Variants in GAS7 observed in about 807,000 individuals in gnomAD.
GAS7 encodes the protein growth arrest specific 7.
Under a neutral mutation model 71.1 loss-of-function variants are expected in GAS7, and 28 were observed. The observed-to-expected ratio is 0.39, with a 90% confidence interval of 0.29 to 0.54. The LOEUF is 0.54. Ranked by LOEUF, GAS7 falls within the 20% of genes least tolerant of loss-of-function variation. GAS7 has a pLI of 0.62. For missense variants in GAS7, 436 were observed against 627.8 expected (o/e 0.69, Z 3.27); for synonymous variants, 258 against 245.8 (o/e 1.05, Z -0.46).
chr17:10,058,512 T>C (rs1053216751), intron 1 of GAS7, among the ~76,000 whole-genome samples: 6 of 152,180 alleles, frequency 3.9e-5, no homozygotes, highest in Non-Finnish European at 8.8e-5. Flanking sequence ...AATGACATAT[T>C]CTGACAGCAA....
At chr17:9,932,012 A>G (rs1417750555) in intron 9 of GAS7, among the ~76,000 whole-genome samples, 1 of 152,180 alleles carries the variant, frequency 6.6e-6, no homozygotes, top group Non-Finnish European at 1.5e-5. Flanking sequence ...TGGAAGTCCC[A>G]GGAAGGAGCG....
At chr17:10,121,040 G>T (rs149214217) in intron 1 of GAS7, among the ~76,000 whole-genome samples, 1 of 152,356 alleles carries the variant, frequency 6.6e-6, no homozygotes, top group Non-Finnish European at 1.5e-5. Flanking sequence ...CTCTCTACGG[G>T]CTGGGGTGCA....
At chr17:10,035,755 G>T (rs1597732796) in intron 1 of GAS7, among the ~76,000 whole-genome samples, 1 of 152,294 alleles carries the variant, frequency 6.6e-6, no homozygotes, top group Non-Finnish European at 1.5e-5. Flanking sequence ...GGTGAAACAA[G>T]GCTGTTGTAC....
chr17:10,160,657 TGAC>T (rs1469274302), intron 1 of GAS7, among the ~76,000 whole-genome samples: 57 of 152,320 alleles, frequency 3.7e-4, no homozygotes, highest in African/African-American at 1.3e-3. Context: ...GTGCGCAATA[TGAC>T]ATTTTCCTCT....
intron 11 of GAS7, among the ~76,000 whole-genome samples, chr17:9,923,577 G>A (rs1457580977): frequency 1.3e-5 from 2 of 152,156 alleles, no homozygotes; most frequent in African/African-American, 4.8e-5. Flanking sequence ...CCTGGGTTAT[G>A]GAGAAAAGCA....
chr17:9,970,891 C>T (rs939212249), intron 3 of GAS7, among the ~76,000 whole-genome samples: 1 of 152,178 alleles, frequency 6.6e-6, no homozygotes, highest in Non-Finnish European at 1.5e-5. Flanking sequence ...CTGGGACCCA[C>T]GTGATCTCGG....
At chr17:9,927,176 C>T (rs1044784537) in intron 9 of GAS7, among the ~76,000 whole-genome samples, 1 of 131,894 alleles carries the variant, frequency 7.6e-6, no homozygotes, top group East Asian at 2.0e-4. Flanking sequence ...GGGCTGGGCA[C>T]GGTGGCTCAT....
chr17:10,085,072 C>G (rs979656426), intron 1 of GAS7, among the ~76,000 whole-genome samples: 29 of 152,246 alleles, frequency 1.9e-4, no homozygotes, highest in Non-Finnish European at 3.2e-4. Flanking sequence ...TTCCTACTTC[C>G]TGGCCTCACA....
At chr17:9,934,790 C>T (rs1413308582) in intron 8 of GAS7, among the ~76,000 whole-genome samples, 1 of 152,220 alleles carries the variant, frequency 6.6e-6, no homozygotes, top group Non-Finnish European at 1.5e-5. Context: ...GGCTGGAGTA[C>T]AATGGCGCGA....
Position 9,917,204 on chromosome 17 carries a change from C to G in GAS7, c.*24G>C. 1 of 1,348,160 alleles carries G rather than the reference C, an allele frequency of 7.4e-7. No homozygotes were observed. The highest frequency in any genetic ancestry group is 1.1e-6 in the Non-Finnish European group (1 of 937,276). 83.5% of individuals were successfully genotyped at this position (1,348,160 alleles called of 1,614,324 possible). A position where few individuals can be genotyped will look rare whatever the true frequency, so the allele number is the denominator to read the frequency against. On this transcript the variant is annotated 3_prime_UTR_variant, in exon 14 of 14. Transcript: ENST00000432992. ...AGCCCAGCCCCCCTCCCCAGCAGGA[C>G]CCCCCGAAGCTGCACAGGCCCATCT...
intron 1 of GAS7, among the ~76,000 whole-genome samples, chr17:10,120,214 C>G (rs1407561659): frequency 6.6e-6 from 1 of 151,154 alleles, no homozygotes; most frequent in East Asian, 2.0e-4. Context: ...CAGCTACCAA[C>G]AGAAGGTACG....
chr17:10,069,577 A>G (rs2152246114), intron 1 of GAS7, among the ~76,000 whole-genome samples: 1 of 152,338 alleles, frequency 6.6e-6, no homozygotes. Context: ...TGCCTTAGAG[A>G]CGCAAAGCGA....
At chr17:10,109,032 C>T (rs960940412) in intron 1 of GAS7, among the ~76,000 whole-genome samples, 5 of 151,930 alleles carry the variant, frequency 3.3e-5, no homozygotes, top group African/African-American at 1.2e-4. Context: ...AGTGGAAAGA[C>T]AATCTATTGA....
intron 1 of GAS7, among the ~76,000 whole-genome samples, chr17:10,131,001 T>C (rs2073992690): frequency 6.6e-6 from 1 of 152,236 alleles, no homozygotes; most frequent in Non-Finnish European, 1.5e-5. Flanking sequence ...AATTGAATGG[T>C]ATGCAAATTA....
chr17:10,108,145 G>T (rs1282850154), intron 1 of GAS7, among the ~76,000 whole-genome samples: 5 of 152,224 alleles, frequency 3.3e-5, no homozygotes, highest in Non-Finnish European at 2.9e-5. Flanking sequence ...GCCCAGCGTG[G>T]CCAGCTAGGC....
intron 5 of GAS7, among the ~76,000 whole-genome samples, chr17:9,952,308 A>G (rs988748721): frequency 2.6e-5 from 4 of 152,168 alleles, no homozygotes; most frequent in Non-Finnish European, 5.9e-5. Context: ...GCCCACCACA[A>G]TGGAAGACAC....
chr17:10,147,767 C>T (rs967218127), intron 1 of GAS7, among the ~76,000 whole-genome samples: 2 of 152,132 alleles, frequency 1.3e-5, no homozygotes, highest in Non-Finnish European at 2.9e-5. Context: ...TTCCCAAAGC[C>T]AAGCTCAAAC....
At chr17:9,964,316 C>G (rs923288992) in intron 4 of GAS7, among the ~76,000 whole-genome samples, 5 of 152,164 alleles carry the variant, frequency 3.3e-5, no homozygotes, top group African/African-American at 7.2e-5. Flanking sequence ...TTTCCTCCCC[C>G]CCTGCAAATA....
chr17:10,110,478 T>C (rs2073801141), intron 1 of GAS7, among the ~76,000 whole-genome samples: 2 of 152,130 alleles, frequency 1.3e-5, no homozygotes, highest in African/African-American at 4.8e-5. Context: ...TCTTTTCTTT[T>C]TTTTTAAGAC....
Sources: allele counts gnomAD v4.1 joint callset (sites outside exome capture counted in the v4.1 genomes callset), GRCh38; gene constraint gnomAD v4.1.1; transcripts MANE v1.5; gene names NCBI Gene and HGNC (gene_info 2026-07-23, HGNC 2026-07-21).